Variants in OPCML observed in about 807,000 individuals in gnomAD.
OPCML encodes opioid binding protein/cell adhesion molecule like.
A neutral mutation model predicts 37.8 loss-of-function variants in OPCML; 13 were observed. The observed-to-expected ratio is 0.34, with a 90% CI of 0.22 to 0.55. The LOEUF (loss-of-function observed/expected upper bound fraction) is 0.55. Ranked by LOEUF, OPCML falls within the 20% of genes least tolerant of loss-of-function variation. OPCML has a pLI of 0.91. For synonymous variants in OPCML, 176 were observed against 168.8 expected, an observed-to-expected ratio of 1.04 and a Z score of -0.33; for missense variants, 341 against 435.6, an observed-to-expected ratio of 0.78 and a Z score of 1.93.
chr11:132,464,576 T>G (rs1247482274), intron 4 of OPCML, among the ~76,000 whole-genome samples: 1 of 152,206 alleles, frequency 6.6e-6, no homozygotes, highest in Non-Finnish European at 1.5e-5. Context: ...ATTAATCAAA[T>G]ATCTCTACTT....
intron 2 of OPCML, among the ~76,000 whole-genome samples, chr11:132,907,674 A>T (rs1458137629): frequency 6.6e-6 from 1 of 152,040 alleles, no homozygotes; most frequent in East Asian, 1.9e-4. Context: ...ATTCAACTTC[A>T]TGTAAATGTG....
chr11:133,019,306 T>C (rs1038962189), intron 1 of OPCML, among the ~76,000 whole-genome samples: 2 of 152,160 alleles, frequency 1.3e-5, no homozygotes, highest in Non-Finnish European at 2.9e-5. Flanking sequence ...GAACTCCAGG[T>C]ACCTGAGTGA....
intron 2 of OPCML, among the ~76,000 whole-genome samples, chr11:132,893,663 T>C (rs1239464460): frequency 2.0e-5 from 3 of 152,256 alleles, no homozygotes; most frequent in South Asian, 4.1e-4. Flanking sequence ...GGTGAGGAGA[T>C]AGCAATATCG....
At chr11:132,714,137 C>A (rs114480273) in intron 2 of OPCML, among the ~76,000 whole-genome samples, 67 of 152,246 alleles carry the variant, frequency 4.4e-4, no homozygotes, top group African/African-American at 1.6e-3. Context: ...AAATGCAAAA[C>A]AAGACTGAAA....
chr11:132,727,554 C>A (rs1403795737), intron 2 of OPCML, among the ~76,000 whole-genome samples: 2 of 152,284 alleles, frequency 1.3e-5, no homozygotes, highest in East Asian at 3.9e-4. Flanking sequence ...GCCCTAGAGC[C>A]CAGCACAGTC....
intron 1 of OPCML, among the ~76,000 whole-genome samples, chr11:132,964,387 A>G (rs767857223): frequency 1.3e-5 from 2 of 152,170 alleles, no homozygotes; most frequent in Non-Finnish European, 2.9e-5. Context: ...TTTGCGATCA[A>G]TCCTTCAGAT....
rs577934941 is a variant in OPCML at position 132,716,034 on chromosome 11, G to T, written c.147-58715C>A. ...AATTTTCAGAAATCTATCAGCTAGA[G>T]AATTCAGCACAAGATATACTTTCTA... On this transcript the variant is annotated intron_variant, in intron 2 of 7. Transcript: ENST00000524381. 3.9e-5 allele frequency among the ~76,000 whole-genome samples: 6 copies of T among 152,290 alleles called. No individual in the cohort carries two copies. The East Asian group carries it at 9.6e-4, about 24-fold the overall frequency.
chr11:132,701,764 GTGT>G (rs1565787709), intron 2 of OPCML, among the ~76,000 whole-genome samples: 1 of 10,538 alleles, frequency 9.5e-5, no homozygotes, highest in Non-Finnish European at 3.0e-4. Flanking sequence ...TTTGATGATT[GTGT>G]GTGTGTGTGT....
chr11:132,635,042 T>C (rs918095514), intron 3 of OPCML, among the ~76,000 whole-genome samples: 1 of 152,204 alleles, frequency 6.6e-6, no homozygotes, highest in Non-Finnish European at 1.5e-5. Flanking sequence ...CAATTGTGTT[T>C]GGAAATCCAA....
chr11:132,929,202 TTAGC>T (rs1945105625), intron 2 of OPCML, among the ~76,000 whole-genome samples: 1 of 151,724 alleles, frequency 6.6e-6, no homozygotes, highest in African/African-American at 2.4e-5. Context: ...GGGCAAAACT[TTAGC>T]TAGATTGACT....
chr11:132,429,033 A>AT (rs2095987344), intron 7 of OPCML, among the ~76,000 whole-genome samples: 1 of 137,398 alleles, frequency 7.3e-6, no homozygotes, highest in Non-Finnish European at 1.6e-5. Context: ...GAATGGATGG[A>AT]GGGATGGATG....
intron 4 of OPCML, among the ~76,000 whole-genome samples, chr11:132,521,971 C>T (rs1033466265): frequency 2.6e-5 from 4 of 152,148 alleles, no homozygotes; most frequent in Admixed American, 2.0e-4. Context: ...AGGCAACTGC[C>T]TTCTGCTTCC....
chr11:133,235,266 C>G (rs12417150), intron 1 of OPCML, among the ~76,000 whole-genome samples: 1 of 152,164 alleles, frequency 6.6e-6, no homozygotes. Flanking sequence ...GCAAGTAACC[C>G]TCAGTAAGAG....
At chr11:132,745,656 T>G (rs1185154522) in intron 2 of OPCML, among the ~76,000 whole-genome samples, 1 of 151,928 alleles carries the variant, frequency 6.6e-6, no homozygotes, top group Non-Finnish European at 1.5e-5. Context: ...AGGGTTTTTC[T>G]CCATCTTCCC....
Position 133,233,473 on chromosome 11 carries a change from T to C in OPCML, c.62-290463A>G, listed in dbSNP as rs1940374703. On this transcript the variant is annotated intron_variant, in intron 1 of 7. Coordinates refer to ENST00000524381, the MANE Select transcript of OPCML (RefSeq NM_001012393.5). ...GAGAGTCAATGCCATGGTAAATTAGTACAAACAACCCAACTAAAACACCCT... is the reference window on the plus strand; with the variant it reads ...GAGAGTCAATGCCATGGTAAATTAGCACAAACAACCCAACTAAAACACCCT... Among the ~76,000 whole-genome samples, 5 of 152,306 alleles carry C rather than the reference T, an allele frequency of 3.3e-5. No individual in the cohort carries two copies. In the South Asian group the frequency reaches 1.0e-3, roughly 32 times the overall value.
At chr11:133,083,023 C>T (rs1330643188) in intron 1 of OPCML, among the ~76,000 whole-genome samples, 1 of 150,654 alleles carries the variant, frequency 6.6e-6, no homozygotes, top group East Asian at 2.0e-4. Flanking sequence ...CGGCGGACGC[C>T]CCAGCCGAGC....
intron 1 of OPCML, among the ~76,000 whole-genome samples, chr11:133,224,429 C>A (rs868106300): frequency 3.3e-5 from 5 of 152,200 alleles, no homozygotes; most frequent in Admixed American, 1.3e-4. Flanking sequence ...TGTTCTTCAG[C>A]CTGTCACTGC....
At position 133,062,199 on chromosome 11, in the gene OPCML, C is replaced by T. The variant is rs545426465; in HGVS notation, c.62-119189G>A. On this transcript the variant is annotated intron_variant, in intron 1 of 7. Coordinates refer to ENST00000524381, the MANE Select transcript of OPCML (RefSeq NM_001012393.5). ...GGAGCAGCTTGCATCAGACTCCACC[C>T]GTAACACCAGACTCTACCGCAAATG... Among the ~76,000 whole-genome samples, 9 of 152,258 alleles carry T rather than the reference C, an allele frequency of 5.9e-5. No homozygotes were observed. The South Asian group carries it at 1.2e-3, about 21-fold the overall frequency.
intron 1 of OPCML, among the ~76,000 whole-genome samples, chr11:133,126,956 G>C (rs114558884): frequency 6.6e-6 from 1 of 152,328 alleles, no homozygotes; most frequent in African/African-American, 2.4e-5. Context: ...CATTCTGGCA[G>C]AGAAGTGGTG....
Sources: allele counts gnomAD v4.1 joint callset (sites outside exome capture counted in the v4.1 genomes callset), GRCh38; gene constraint gnomAD v4.1.1; transcripts MANE v1.5; gene names NCBI Gene and HGNC (gene_info 2026-07-23, HGNC 2026-07-21).